Variants in AHDC1 observed in about 807,000 individuals in gnomAD.
AHDC1 encodes AT-hook DNA binding motif containing 1, also known as transcription factor Gibbin.
A neutral mutation model predicts 87.9 loss-of-function variants in AHDC1; 7 were observed. That is an observed-to-expected ratio of 0.08 (90% CI 0.05 to 0.15). The LOEUF is 0.15. Ranked by LOEUF, AHDC1 falls within the 10% of genes least tolerant of loss-of-function variation. The pLI is 1.00. For synonymous variants in AHDC1, 1,051 were observed against 1,006.8 expected, an observed-to-expected ratio of 1.04 and a Z score of -0.83; for missense variants, 1,841 against 2,253.2, an observed-to-expected ratio of 0.82 and a Z score of 3.70.
chr1:27,552,151 C>A lies in AHDC1; in HGVS notation c.-36G>T, dbSNP rs1458522928. On this transcript the variant is annotated 5_prime_UTR_variant, in exon 8 of 9. Coordinates refer to ENST00000673934, the MANE Select transcript of AHDC1 (RefSeq NM_001371928.1). ...TCCTCCGCAGGCCGCCGGGCGGGGC[C>A]GGGGCTGACATGAGGGTGCGAGAAG... The A allele has an allele frequency of 1.4e-6, 2 of 1,431,908 alleles. No individual in the cohort carries two copies. Among genetic ancestry groups the A allele is most frequent in the African/African-American group, 1.4e-5 (1 of 69,438 alleles). The allele number at this position is 1,431,908 out of a possible 1,614,324, so 88.7% of individuals were successfully genotyped here.
intron 3 of AHDC1, among the ~76,000 whole-genome samples, chr1:27,597,318 A>G (rs893521569): frequency 6.6e-6 from 1 of 151,776 alleles, no homozygotes; most frequent in African/African-American, 2.4e-5. Flanking sequence ...GAGGGTGGAG[A>G]TTTACATGTC....
At chr1:27,585,955 A>G (rs1478906347) in intron 3 of AHDC1, among the ~76,000 whole-genome samples, 2 of 152,212 alleles carry the variant, frequency 1.3e-5, no homozygotes, top group African/African-American at 4.8e-5. Flanking sequence ...GGATTAATGA[A>G]TAACTGAAAT....
chr1:27,581,337 T>A (rs75955741), intron 3 of AHDC1, among the ~76,000 whole-genome samples: 9,870 of 147,698 alleles, frequency 0.067, 795 homozygotes, highest in African/African-American at 0.21. Flanking sequence ...TTTAAAAAAA[T>A]ATATTTTTAA....
At chr1:27,543,107 A>T (rs1487049023) in intron 8 of AHDC1, among the ~76,000 whole-genome samples, 4 of 152,182 alleles carry the variant, frequency 2.6e-5, no homozygotes, top group Non-Finnish European at 5.9e-5. Flanking sequence ...GGCCTTGGAA[A>T]CTGCTTCCTG....
Position 27,561,675 on chromosome 1 carries a change from A to AAG in AHDC1, c.-628-2794_-628-2793dup, listed in dbSNP as rs978973558. On this transcript the variant is annotated intron_variant, in intron 3 of 8. Coordinates refer to ENST00000673934, the MANE Select transcript of AHDC1 (RefSeq NM_001371928.1). This position sits in a 1 kb window ranked among gnomAD's most constrained non-coding sequence, Gnocchi z 4.2. ...TTGCAGACACCAGCCGAGACCACAC[A>AAG]AGAGAGAGAGAGGAAAAGACAGAGA... Among the ~76,000 whole-genome samples the AAG allele has an allele frequency of 6.6e-6, 1 of 151,200 alleles. No individual in the cohort carries two copies. Among genetic ancestry groups the AAG allele is most frequent in the Non-Finnish European group, 1.5e-5 (1 of 67,420 alleles).
At position 27,549,922 on chromosome 1, in the gene AHDC1, C is replaced by T; in HGVS notation, c.2194G>A (p.Asp732Asn). The T allele has an allele frequency of 2.5e-6, 4 of 1,613,640 alleles. No individual in the cohort carries two copies. The highest frequency in any genetic ancestry group is 3.4e-6 in the Non-Finnish European group (4 of 1,179,874). The change falls in exon 8 of 9, where the codon GAC becomes AAC. Residue 732 changes from aspartate to asparagine, a missense_variant. Physicochemically the swap from Asp to Asn is conservative, Grantham distance 23. Around this residue, in one of 13 missense-constraint regions of AHDC1, gnomAD observed 236 missense variants for 257.9 expected, o/e 0.92. Transcript: ENST00000673934. ...CGCTTTGGCTTCCCAGTCACAGCGT[C>T]TACCTCCCCCCGGCCCCGTTTGCGT... ...HPRKRGRGEV[D>N]AVTGKPKRKR... is the part of the protein sequence containing the mutation.
rs1047504712 is a variant in AHDC1, at chr1:27,557,109, T to C, written c.-225+1196A>G. Among the ~76,000 whole-genome samples, 26 of 139,278 alleles carry C rather than the reference T, an allele frequency of 1.9e-4. 1 individual carries two copies. The South Asian group carries it at 2.4e-3, about 13-fold the overall frequency. 91.4% of individuals were successfully genotyped at this position (139,278 alleles called of 152,430 possible). A position where few individuals can be genotyped will look rare whatever the true frequency, so the allele number is the denominator to read the frequency against. Reference sequence around the variant, plus strand: ...TGGAACAGGGCACCTGGCAAGCAGGTCTGCCCCAGAACCGCCCCCTGCCAG... The same window carrying C: ...TGGAACAGGGCACCTGGCAAGCAGGCCTGCCCCAGAACCGCCCCCTGCCAG... On this transcript the variant is annotated intron_variant, in intron 5 of 8. Transcript: ENST00000673934.
intron 3 of AHDC1, among the ~76,000 whole-genome samples, chr1:27,589,981 G>A (rs987004404): frequency 2.0e-5 from 3 of 152,100 alleles, no homozygotes; most frequent in African/African-American, 7.2e-5. Context: ...GCCCACTGTG[G>A]GCTGGGCAGG....
chr1:27,586,241 C>T (rs545418918), intron 3 of AHDC1, among the ~76,000 whole-genome samples: 1 of 152,300 alleles, frequency 6.6e-6, no homozygotes, highest in South Asian at 2.1e-4. Flanking sequence ...GCCACAGTCA[C>T]TACTTCCAAG....
At chr1:27,600,570 G>C (rs181290191) in intron 3 of AHDC1, among the ~76,000 whole-genome samples, 70 of 152,280 alleles carry the variant, frequency 4.6e-4, no homozygotes, top group African/African-American at 1.6e-3. Context: ...CTGTCCAATG[G>C]GGAACAGAAG....
chr1:27,568,817 A>C (rs2148385529), intron 3 of AHDC1, among the ~76,000 whole-genome samples: 1 of 151,792 alleles, frequency 6.6e-6, no homozygotes, highest in Middle Eastern at 3.4e-3. Context: ...GGGCGCGGAA[A>C]CAGGGGATCC....
At position 27,558,132 on chromosome 1, in the gene AHDC1, G is replaced by T. The variant is rs1361033963; in HGVS notation, c.-225+173C>A. On this transcript the variant is annotated intron_variant, in intron 5 of 8. Coordinates refer to ENST00000673934, the MANE Select transcript of AHDC1 (RefSeq NM_001371928.1). The surrounding 1 kb of genome is among the most constrained non-coding windows in gnomAD (Gnocchi z 5.6). ...CGCAGGCTTCATGTGTCAGTTCAGG[G>T]AGTTGCCTCTGCAGGGCAGGGCAGC... Among the ~76,000 whole-genome samples, 2 of 152,220 alleles carry T rather than the reference G, an allele frequency of 1.3e-5. No individual in the cohort carries two copies. The highest frequency in any genetic ancestry group is 3.9e-4 in the East Asian group (2 of 5,192).
intron 3 of AHDC1, among the ~76,000 whole-genome samples, chr1:27,602,911 T>G (rs1324312824): frequency 1.4e-5 from 2 of 139,714 alleles, no homozygotes; most frequent in East Asian, 2.1e-4. Flanking sequence ...GGCTCCTCCC[T>G]CCGCAGTCTC....
At position 27,598,181 on chromosome 1, in the gene AHDC1, T is replaced by C. The variant is rs918958024; in HGVS notation, c.-629+5216A>G. ...AAGCTTCAGTGGCAGCTGGGCTGAATTGGGAGTTCGGGGCCAGCCAGCTGC... is the reference window on the plus strand; with the variant it reads ...AAGCTTCAGTGGCAGCTGGGCTGAACTGGGAGTTCGGGGCCAGCCAGCTGC... On this transcript the variant is annotated intron_variant, in intron 3 of 8. Coordinates refer to ENST00000673934, the MANE Select transcript of AHDC1 (RefSeq NM_001371928.1). The surrounding 1 kb of genome is among the most constrained non-coding windows in gnomAD (Gnocchi z 4.2). 6.6e-6 allele frequency among the ~76,000 whole-genome samples: 1 copy of C among 152,134 alleles called. No individual in the cohort carries two copies. The highest frequency in any genetic ancestry group is 2.4e-5 in the African/African-American group (1 of 41,426).
In AHDC1 at chr1:27,547,466, G is replaced by A. The variant is rs753712788; in HGVS notation, c.4650C>T (p.Pro1550=). The A allele has an allele frequency of 1.8e-5, 29 of 1,595,388 alleles. No homozygotes were observed. The highest frequency in any genetic ancestry group is 8.9e-5 in the South Asian group (8 of 90,012). The part of the protein sequence containing the change: ...CPLLSDLTLS[P]VPRDSLLPLQ... Reference sequence around the variant, plus strand: ...GGGGCAGCAGCGAGTCCCTCGGCACGGGGGACAGGGTCAAGTCACTAAGGA... The same window carrying A: ...GGGGCAGCAGCGAGTCCCTCGGCACAGGGGACAGGGTCAAGTCACTAAGGA... Residue 1550 remains proline (P), a synonymous_variant, in exon 8 of 9, where the codon CCC becomes CCT. Coordinates refer to ENST00000673934, the MANE Select transcript of AHDC1 (RefSeq NM_001371928.1). This position sits in a 1 kb window ranked among gnomAD's most constrained non-coding sequence, Gnocchi z 4.9.
chr1:27,597,612 T>C (rs1431150649), intron 3 of AHDC1, among the ~76,000 whole-genome samples: 1 of 151,940 alleles, frequency 6.6e-6, no homozygotes, highest in African/African-American at 2.4e-5. Context: ...TCTTGCTCTT[T>C]CTCCCTGACC....
At position 27,598,585 on chromosome 1, in the gene AHDC1, TC is replaced by T. The variant is rs922761368; in HGVS notation, c.-629+4811del. ...TCCCTGGGGACCCCTCCTGCTCTGG[TC>T]CCAGTTCCAGGCATGAGGGGTTGTT... On this transcript the variant is annotated intron_variant, in intron 3 of 8. Coordinates refer to ENST00000673934, the MANE Select transcript of AHDC1 (RefSeq NM_001371928.1). The surrounding 1 kb of genome is among the most constrained non-coding windows in gnomAD (Gnocchi z 4.2). Among the ~76,000 whole-genome samples the T allele has an allele frequency of 6.6e-6, 1 of 152,100 alleles. No homozygotes were observed. The highest frequency in any genetic ancestry group is 2.4e-5 in the African/African-American group (1 of 41,410).
rs750067278 is a variant in AHDC1, at chr1:27,549,330, T to C, written c.2786A>G (p.Tyr929Cys). ...GTCTGAAGCGGCTGGAGTTAGCCCA[T>C]AGCTTGCTGCTCGTCCTGGTGGGAA... ...QTFPPGRAAS[Y>C]GLTPAASDCR... is the part of the protein sequence containing the mutation. Residue 929 changes from tyrosine (Y) to cysteine (C), a missense_variant, in exon 8 of 9, where the codon TAT becomes TGT. By Grantham distance (194) the Tyr-to-Cys change is radical (BLOSUM62 -2). This residue lies in a region of AHDC1 where 378 missense variants were observed against 399.0 expected (regional missense o/e 0.95). Transcript: ENST00000673934. 6.2e-6 allele frequency: 10 copies of C among 1,610,992 alleles called. No homozygotes were observed. In the Admixed American group the frequency reaches 1.0e-4, roughly 16 times the overall value.
Position 27,571,784 on chromosome 1 carries a change from C to T in AHDC1, c.-628-12901G>A, listed in dbSNP as rs191751560. Among the ~76,000 whole-genome samples the T allele has an allele frequency of 2.0e-4, 31 of 152,246 alleles. No homozygotes were observed. In the East Asian group the frequency reaches 4.3e-3, roughly 21 times the overall value. Reference sequence around the variant, plus strand: ...AGGCGCTGGCAGAAAACAAACCCGCCGGGGTGGGTTTGCAGGGAGCGGGGT... The same window carrying T: ...AGGCGCTGGCAGAAAACAAACCCGCTGGGGTGGGTTTGCAGGGAGCGGGGT... On this transcript the variant is annotated intron_variant, in intron 3 of 8. Transcript: ENST00000673934.
Sources: allele counts gnomAD v4.1 joint callset (sites outside exome capture counted in the v4.1 genomes callset), GRCh38; gene constraint gnomAD v4.1.1; regional missense constraint gnomAD v4.1.1; non-coding constraint Gnocchi (gnomAD v3.1); transcripts MANE v1.5; gene names NCBI Gene and HGNC (gene_info 2026-07-23, HGNC 2026-07-21).